The following SCARA3 variants were observed in gnomAD, a reference collection of about 807,000 sequenced individuals.
SCARA3 encodes cellular stress response gene protein.
Under a neutral mutation model 47.0 loss-of-function variants are expected in SCARA3, and 39 were observed. That is an observed-to-expected ratio of 0.83 (90% CI 0.64 to 1.08). SCARA3 has a LOEUF of 1.08. Ranked by LOEUF, SCARA3 falls within the 50% of genes least tolerant of loss-of-function variation. The probability of loss-of-function intolerance (pLI) is 0.00; values close to 1 mark genes in which losing one functional copy is unlikely to be tolerated. For missense variants in SCARA3, 724 were observed against 792.3 expected (o/e 0.91, Z 1.04); for synonymous variants, 356 against 334.1 (o/e 1.07, Z -0.71).
chr8:27,667,029 C>T (rs2128922931), intron 5 of SCARA3, among the ~76,000 whole-genome samples: 2 of 152,328 alleles, frequency 1.3e-5, no homozygotes, highest in Middle Eastern at 3.4e-3. Context: ...GCCCATCTTC[C>T]TTGGTGGCCT....
chr8:27,705,676 A>G, the SCARA3 span, among the ~76,000 whole-genome samples: 63 of 152,276 alleles, frequency 4.1e-4, no homozygotes, highest in Non-Finnish European at 8.2e-4. Context: ...CGCACCGTGC[A>G]TACAACAGCA....
Position 27,658,515 on chromosome 8 carries a change from CT to C in SCARA3, c.346del (p.Cys116AlafsTer77). 6.2e-7 allele frequency: 1 copy of C among 1,610,198 alleles called. No homozygotes were observed. The highest frequency in any genetic ancestry group is 8.5e-7 in the Non-Finnish European group (1 of 1,178,344). On this transcript the variant is annotated frameshift_variant, in exon 5 of 6. Transcript: ENST00000301904. LOFTEE classifies it high-confidence loss of function. ...CTAAAGATCCGAAAGCCCTGAACAACTGCTCTTTCTGCCATGAAGCTGGGCA... is the reference window on the plus strand; with the variant it reads ...CTAAAGATCCGAAAGCCCTGAACAACGCTCTTTCTGCCATGAAGCTGGGCA... ...QGLDPKALNN[C>X]SFCHEAGQLG...
rs1324446495 is a variant in SCARA3, at chr8:27,658,556, TC to T, written c.388del (p.Arg130GlufsTer63). 1 of 1,613,916 alleles carries T rather than the reference TC, an allele frequency of 6.2e-7. No individual in the cohort carries two copies. The highest frequency in any genetic ancestry group is 8.5e-7 in the Non-Finnish European group (1 of 1,179,982). ...CHEAGQLGPEIRKLQEELEGI... is the reference protein window; with the variant it reads ...CHEAGQLGPEXRKLQEELEGI... ...GAAGCTGGGCAGCTGGGGCCAGAGA[TC>T]CGAAAACTGCAGGAGGAGCTGGAGG... On this transcript the variant is annotated frameshift_variant, in exon 5 of 6. Coordinates refer to ENST00000301904, the MANE Select transcript of SCARA3 (RefSeq NM_016240.3). LOFTEE classifies it high-confidence loss of function.
chr8:27,633,817 G>T, upstream of SCARA3: 2 of 152,494 alleles, frequency 1.3e-5, no homozygotes, highest in South Asian at 3.9e-4. Context: ...GGAGGCTTGC[G>T]AGCGAGGGAG....
Position 27,634,132 on chromosome 8 carries a change from G to A in SCARA3, c.-69G>A, listed in dbSNP as rs1044541449. On this transcript the variant is annotated 5_prime_UTR_variant, in exon 1 of 6. Transcript: ENST00000301904. ...GATCCGCGCCCTGGAGGATCCGCCG[G>A]CCGCCCGGCTCCACTACAGCTCCAG... 2.8e-6 allele frequency: 4 copies of A among 1,416,764 alleles called. No homozygotes were observed. The highest frequency in any genetic ancestry group is 3.0e-5 in the South Asian group (2 of 66,030). 87.8% of individuals were successfully genotyped at this position (1,416,764 alleles called of 1,614,324 possible).
the SCARA3 span, among the ~76,000 whole-genome samples, chr8:27,732,884 A>AT: frequency 6.6e-6 from 1 of 152,202 alleles, no homozygotes; most frequent in Non-Finnish European, 1.5e-5. Flanking sequence ...CATTCTCACA[A>AT]TAGTGTAAAC....
downstream of SCARA3, chr8:27,676,628 G>T: frequency 7.7e-7 from 1 of 1,294,764 alleles, no homozygotes; most frequent in South Asian, 1.2e-5. Flanking sequence ...AGCCCAGGAT[G>T]ACCAAGAATA....
the SCARA3 span, among the ~76,000 whole-genome samples, chr8:27,689,979 T>C: frequency 6.6e-6 from 1 of 152,048 alleles, no homozygotes; most frequent in Non-Finnish European, 1.5e-5. Context: ...ATAAATACAA[T>C]AAAGATTTTT....
upstream of SCARA3, chr8:27,633,804 G>A (rs1480485295): frequency 1.3e-5 from 2 of 152,224 alleles, no homozygotes; most frequent in Non-Finnish European, 2.9e-5. Context: ...GACGAGGAGG[G>A]AGGGAGGCTT....
intron 1 of SCARA3, among the ~76,000 whole-genome samples, chr8:27,639,831 G>C (rs1179049675): frequency 1.3e-5 from 2 of 152,186 alleles, no homozygotes; most frequent in African/African-American, 4.8e-5. Flanking sequence ...AAAGTTCCAA[G>C]GGGGAGGAAA....
intron 1 of SCARA3, among the ~76,000 whole-genome samples, chr8:27,646,066 G>GGTGA (rs1801486193): frequency 1.3e-5 from 2 of 152,202 alleles, no homozygotes; most frequent in Non-Finnish European, 2.9e-5. Context: ...TCCAGACATA[G>GGTGA]GTGAGTCAGG....
At chr8:27,652,185 G>A (rs773112813) in intron 3 of SCARA3, among the ~76,000 whole-genome samples, 4 of 152,200 alleles carry the variant, frequency 2.6e-5, no homozygotes, top group Non-Finnish European at 5.9e-5. Flanking sequence ...AGGAATCTGG[G>A]GGGTCCTGCA....
At chr8:27,663,775 C>G (rs1050050997) in intron 5 of SCARA3, among the ~76,000 whole-genome samples, 2 of 152,208 alleles carry the variant, frequency 1.3e-5, no homozygotes, top group South Asian at 4.1e-4. Context: ...CCGCCACTGA[C>G]ACCTCAAGCA....
At chr8:27,650,241 C>T (rs34012035) in intron 2 of SCARA3, among the ~76,000 whole-genome samples, 9 of 152,146 alleles carry the variant, frequency 5.9e-5, no homozygotes, top group South Asian at 2.1e-4. Flanking sequence ...GTGATCTGCC[C>T]GCCTCAGCCT....
At chr8:27,720,232 C>CAGCAGA in the SCARA3 span, among the ~76,000 whole-genome samples, 5,033 of 152,062 alleles carry the variant, frequency 0.033, 264 homozygotes, top group East Asian at 0.2. Flanking sequence ...CTGAGCAAGT[C>CAGCAGA]TGAGTGGCGA....
chr8:27,651,528 A>G lies in SCARA3; in HGVS notation c.127A>G (p.Ser43Gly). Residue 43 changes from serine (S) to glycine (G), a missense_variant, in exon 3 of 6, where the codon AGC (serine) becomes GGC (glycine). Physicochemically the swap from Ser to Gly is moderately conservative, Grantham distance 56. Transcript: ENST00000301904. ...CACAGGCCGGCCAGGGCCCCGCTGC[A>G]GCCGCTGCCAGAAGAACCTATCTTT... Reference protein sequence around the residue: ...TQKGRPGPRCSRCQKNLSLHT... With the variant: ...TQKGRPGPRCGRCQKNLSLHT... 1.2e-6 allele frequency: 2 copies of G among 1,613,278 alleles called. No homozygotes were observed. Among genetic ancestry groups the G allele is most frequent in the Non-Finnish European group, 8.5e-7 (1 of 1,180,014 alleles).
At chr8:27,717,201 C>T in the SCARA3 span, among the ~76,000 whole-genome samples, 13 of 152,282 alleles carry the variant, frequency 8.5e-5, no homozygotes, top group African/African-American at 3.1e-4. Flanking sequence ...GAAATGCAGT[C>T]TCTAGGTGAA....
chr8:27,655,423 C>T (rs1014863075), intron 3 of SCARA3, among the ~76,000 whole-genome samples: 11 of 152,150 alleles, frequency 7.2e-5, no homozygotes, highest in African/African-American at 1.2e-4. Context: ...TTCAGGCACC[C>T]GCTGGAAAAA....
Position 27,633,990 on chromosome 8 carries a change from C to A in SCARA3, c.-211C>A. The A allele has an allele frequency of 3.7e-6, 1 of 272,782 alleles. No individual in the cohort carries two copies. Among genetic ancestry groups the A allele is most frequent in the Admixed American group, 5.4e-5 (1 of 18,484 alleles). 16.9% of individuals were successfully genotyped at this position (272,782 alleles called of 1,614,324 possible). ...GCGCGGCGCTAGGCGCCCGGCGGGG[C>A]TTCCCCAGGCTGCGACCCCGCGGGA... On this transcript the variant is annotated 5_prime_UTR_variant, in exon 1 of 6. Coordinates refer to ENST00000301904, the MANE Select transcript of SCARA3 (RefSeq NM_016240.3).
Sources: allele counts gnomAD v4.1 joint callset (sites outside exome capture counted in the v4.1 genomes callset), GRCh38; gene constraint gnomAD v4.1.1; transcripts MANE v1.5; gene names NCBI Gene and HGNC (gene_info 2026-07-23, HGNC 2026-07-21).